ACSBG2: variants seen among roughly 807,000 people sequenced by gnomAD.
ACSBG2 encodes the protein acyl-CoA synthetase bubblegum family member 2.
ACSBG2 carries 62 observed loss-of-function variants against 74.7 expected under a neutral mutation model. The ratio of observed to expected loss-of-function variants is 0.83; its 90% CI spans 0.68 to 1.03. The LOEUF is 1.03. Among genes scored for constraint, ACSBG2 ranks in the 50% least tolerant of loss-of-function variants. ACSBG2 has a pLI of 0.00. For missense variants in ACSBG2, 730 were observed against 817.6 expected (o/e 0.89, Z 1.31); for synonymous variants, 309 against 294.1 (o/e 1.05, Z -0.52).
chr19:6,156,032 G>A (rs550300521), intron 4 of ACSBG2, among the ~76,000 whole-genome samples: 1 of 152,062 alleles, frequency 6.6e-6, no homozygotes, highest in South Asian at 2.1e-4. Context: ...ATTGGGAAAT[G>A]CAAATTAAAA....
rs575067119 is a variant in ACSBG2 at position 6,139,622 on chromosome 19, C to T, written c.-31-1891C>T. Among the ~76,000 whole-genome samples the T allele has an allele frequency of 2.2e-4, 34 of 152,294 alleles. No individual in the cohort carries two copies. In the East Asian group the frequency reaches 2.9e-3, roughly 13 times the overall value. ...AACTGCTTGATTCTTGTGTCAAGCA[C>T]GCTCTTTATCATGAACAAAATCGTA... On this transcript the variant is annotated intron_variant, in intron 1 of 14. Transcript: ENST00000588485.
intron 5 of ACSBG2, among the ~76,000 whole-genome samples, chr19:6,157,032 T>C (rs6510878): frequency 0.71 from 108,143 of 151,632 alleles, 38,811 homozygotes; most frequent in Admixed American, 0.74. Flanking sequence ...CTGCAAGCTC[T>C]GCCTCCTGGG....
rs1000671263 is a variant in ACSBG2, at chr19:6,174,555, T to A, written c.739-2674T>A. 6.6e-6 allele frequency among the ~76,000 whole-genome samples: 1 copy of A among 152,082 alleles called. No individual in the cohort carries two copies. The highest frequency in any genetic ancestry group is 2.4e-5 in the African/African-American group (1 of 41,402). ...TGGGTGCAGTGGCTTATGTATGTAATCCCAGCACTTTGGGAGGCCGAGACA... is the reference window on the plus strand; with the variant it reads ...TGGGTGCAGTGGCTTATGTATGTAAACCCAGCACTTTGGGAGGCCGAGACA... On this transcript the variant is annotated intron_variant, in intron 7 of 14. Transcript: ENST00000588485. The surrounding 1 kb of genome is among the most constrained non-coding windows in gnomAD (Gnocchi z 4.2).
chr19:6,140,325 A>C (rs967706248), intron 1 of ACSBG2, among the ~76,000 whole-genome samples: 4 of 152,060 alleles, frequency 2.6e-5, no homozygotes, highest in Non-Finnish European at 4.4e-5. Flanking sequence ...GAGTCCAATT[A>C]ATGACTATGC....
chr19:6,150,889 G>C (rs1208604104), intron 3 of ACSBG2, among the ~76,000 whole-genome samples: 1 of 152,056 alleles, frequency 6.6e-6, no homozygotes, highest in Non-Finnish European at 1.5e-5. Flanking sequence ...TGAGGCGGGA[G>C]GATTGCTTGA....
chr19:6,150,202 G>A (rs1417721562), intron 3 of ACSBG2, among the ~76,000 whole-genome samples: 1 of 151,944 alleles, frequency 6.6e-6, no homozygotes, highest in African/African-American at 2.4e-5. Context: ...ATATGGAGAA[G>A]CTGGAACCCT....
chr19:6,149,198 G>A (rs569343509), intron 3 of ACSBG2, among the ~76,000 whole-genome samples: 3 of 152,138 alleles, frequency 2.0e-5, no homozygotes, highest in South Asian at 2.1e-4. Context: ...GAAATTAGTC[G>A]GTGTAACTAG....
intron 5 of ACSBG2, 35 bp downstream of exon 5, chr19:6,156,586 C>T (rs747813324): frequency 6.7e-7 from 1 of 1,498,506 alleles, no homozygotes; most frequent in Non-Finnish European, 8.9e-7. Context: ...GCCAAAGTCA[C>T]CCAGGGGTAC....
chr19:6,156,262 G>C (rs1002527854), intron 4 of ACSBG2, among the ~76,000 whole-genome samples, 169 bp from the exon 5 acceptor site: 9 of 150,734 alleles, frequency 6.0e-5, no homozygotes, highest in African/African-American at 2.2e-4. Flanking sequence ...TATCATCATT[G>C]TCATTTTTGT....
chr19:6,165,193 C>G (rs915408909), intron 6 of ACSBG2, among the ~76,000 whole-genome samples: 8 of 152,330 alleles, frequency 5.3e-5, no homozygotes, highest in African/African-American at 1.9e-4. Context: ...TTTCCTTTCT[C>G]TATTTCTTGG....
At position 6,165,795 on chromosome 19, in the gene ACSBG2, G is replaced by C. The variant is rs1235472978; in HGVS notation, c.589-71G>C. 84 of 1,569,770 alleles carry C rather than the reference G, an allele frequency of 5.4e-5. 1 individual carries two copies. The East Asian group carries it at 1.9e-3, about 35-fold the overall frequency. ...GATCATTCTTTAGGAAAAGCTGATAGGACGAGGTCTGGCTGGGTGAGAGGA... is the reference window on the plus strand; with the variant it reads ...GATCATTCTTTAGGAAAAGCTGATACGACGAGGTCTGGCTGGGTGAGAGGA... On this transcript the variant is annotated intron_variant, in intron 6 of 14. Transcript: ENST00000588485.
chr19:6,182,156 C>T (rs2090278860), intron 8 of ACSBG2, among the ~76,000 whole-genome samples: 1 of 151,764 alleles, frequency 6.6e-6, no homozygotes, highest in Admixed American at 6.6e-5. Context: ...TTGGGCTATT[C>T]TAGGTCCTCT....
intron 1 of ACSBG2, among the ~76,000 whole-genome samples, chr19:6,139,389 C>T (rs77654232): frequency 0.023 from 3,568 of 152,288 alleles, 51 homozygotes; most frequent in South Asian, 0.054. Flanking sequence ...CCGCACCTGG[C>T]CTCAAGTTCA....
rs1056818832 is a variant in ACSBG2 at position 6,156,666 on chromosome 19, G to A, written c.507+115G>A. On this transcript the variant is annotated intron_variant, in intron 5 of 14. Coordinates refer to ENST00000588485, the MANE Select transcript of ACSBG2 (RefSeq NM_030924.5). ...AATGATAAGATAGGGCCATGCATCTGTTCAGCGAGTCCTCCATGACCTCAT... is the reference window on the plus strand; with the variant it reads ...AATGATAAGATAGGGCCATGCATCTATTCAGCGAGTCCTCCATGACCTCAT... 14 of 1,142,656 alleles carry A rather than the reference G, an allele frequency of 1.2e-5. No individual in the cohort carries two copies. In the South Asian group the frequency reaches 1.3e-4, roughly 11 times the overall value. The allele number at this position is 1,142,656 out of a possible 1,614,324, so 70.8% of individuals were successfully genotyped here.
At chr19:6,171,297 T>C (rs895512025) in intron 7 of ACSBG2, among the ~76,000 whole-genome samples, 2 of 152,172 alleles carry the variant, frequency 1.3e-5, no homozygotes, top group Non-Finnish European at 2.9e-5. Flanking sequence ...GATTGTTTAG[T>C]TGCTTTATAG....
chr19:6,149,459 A>G (rs1600023778), intron 3 of ACSBG2, among the ~76,000 whole-genome samples: 1 of 149,068 alleles, frequency 6.7e-6, no homozygotes, highest in South Asian at 2.1e-4. Flanking sequence ...TTCCTGGTTC[A>G]TTCTCACCCA....
chr19:6,141,367 A>ACACTC, intron 1 of ACSBG2, 146 bp from the exon 2 acceptor site: 1 of 570,260 alleles, frequency 1.8e-6, no homozygotes, highest in Non-Finnish European at 3.2e-6. Flanking sequence ...CATGCCGGCC[A>ACACTC]CTCTCCTCTC....
chr19:6,138,215 C>T (rs1270377881), intron 1 of ACSBG2, among the ~76,000 whole-genome samples: 1 of 152,096 alleles, frequency 6.6e-6, no homozygotes, highest in Non-Finnish European at 1.5e-5. Flanking sequence ...AGGAAGTAAA[C>T]ATCCCCTCTT....
intron 8 of ACSBG2, among the ~76,000 whole-genome samples, chr19:6,181,809 A>ACCCCCC (rs1487682988): frequency 1.8e-4 from 5 of 28,348 alleles, no homozygotes; most frequent in East Asian, 1.7e-3. Flanking sequence ...AATAGTCCCC[A>ACCCCCC]CCCGCCCCCC....
Sources: allele counts gnomAD v4.1 joint callset (sites outside exome capture counted in the v4.1 genomes callset), GRCh38; gene constraint gnomAD v4.1.1; non-coding constraint Gnocchi (gnomAD v3.1); transcripts MANE v1.5; gene names NCBI Gene and HGNC (gene_info 2026-07-23, HGNC 2026-07-21).